Variants in PRSS23 observed in about 807,000 individuals in gnomAD.
The protein encoded by PRSS23 is protease, serine 23.
Under a neutral mutation model 34.7 loss-of-function variants are expected in PRSS23, and 25 were observed. The ratio of observed to expected loss-of-function variants is 0.72; its 90% CI spans 0.53 to 1.01. The LOEUF (loss-of-function observed/expected upper bound fraction) is 1.01. Ranked by LOEUF, PRSS23 falls within the 50% of genes least tolerant of loss-of-function variation. The probability of loss-of-function intolerance (pLI) is 0.00; values close to 1 mark genes in which losing one functional copy is unlikely to be tolerated. For missense variants in PRSS23, 445 were observed against 475.6 expected (o/e 0.94, Z 0.60); for synonymous variants, 176 against 186.6 (o/e 0.94, Z 0.46).
intron 2 of PRSS23, among the ~76,000 whole-genome samples, chr11:86,871,658 C>T (rs1424693485): frequency 1.3e-5 from 2 of 152,194 alleles, no homozygotes; most frequent in African/African-American, 4.8e-5. Context: ...TGACTTCTAA[C>T]CTCCAATGAC....
At chr11:86,800,730 G>T in intron 1 of PRSS23, 79 bp downstream of exon 1, 1 of 831,822 alleles carries the variant, frequency 1.2e-6, no homozygotes, top group Non-Finnish European at 1.5e-6. Context: ...CAAAGGGCCG[G>T]GTATGCGCGG....
intron 2 of PRSS23, among the ~76,000 whole-genome samples, chr11:86,879,618 T>C (rs1422139310): frequency 9.4e-6 from 1 of 106,656 alleles, no homozygotes; most frequent in Non-Finnish European, 1.9e-5. Flanking sequence ...CGGCCGCCCC[T>C]ACTGGGAAGT....
intron 2 of PRSS23, among the ~76,000 whole-genome samples, chr11:86,942,807 C>T (rs922578711): frequency 6.6e-6 from 1 of 152,136 alleles, no homozygotes; most frequent in Non-Finnish European, 1.5e-5. Context: ...TTTTGCAGGT[C>T]CAACACATCT....
At chr11:86,807,543 A>G (rs1948115641) in intron 1 of PRSS23, 88 bp from the exon 2 acceptor site, 2 of 1,250,502 alleles carry the variant, frequency 1.6e-6, no homozygotes, top group African/African-American at 3.0e-5. Context: ...CTCAGAAACA[A>G]TGACAGGCCT....
At chr11:86,854,275 C>G (rs1948553014) in intron 2 of PRSS23, among the ~76,000 whole-genome samples, 1 of 152,204 alleles carries the variant, frequency 6.6e-6, no homozygotes, top group Non-Finnish European at 1.5e-5. Context: ...GCCGGGATTA[C>G]AGGTGTGAGC....
At position 86,871,549 on chromosome 11, in the gene PRSS23, C is replaced by G. The variant is rs192585295; in HGVS notation, c.206+47956C>G. Among the ~76,000 whole-genome samples the G allele has an allele frequency of 3.1e-3, 467 of 152,350 alleles. 1 individual carries two copies. Among genetic ancestry groups the G allele is most frequent in the African/African-American group, 0.01 (436 of 41,578 alleles). ...TTCTGGCCACCTCAGTAGCCCCAAA[C>G]TCTATTTCTATTTCTTCCACTCAGC... is the stretch of plus-strand genomic sequence containing the variant. On this transcript the variant is annotated intron_variant, in intron 2 of 2. Coordinates refer to the PRSS23 transcript ENST00000533902.
chr11:86,796,764 CATTG>C (rs1947984269), upstream of PRSS23, among the ~76,000 whole-genome samples: 1 of 151,818 alleles, frequency 6.6e-6, no homozygotes, highest in African/African-American at 2.4e-5. Context: ...TTAATTTATG[CATTG>C]ATTTTCTCAT....
chr11:86,880,056 T>C (rs1317516060), intron 2 of PRSS23, among the ~76,000 whole-genome samples: 3 of 151,832 alleles, frequency 2.0e-5, no homozygotes, highest in Non-Finnish European at 4.4e-5. Flanking sequence ...CGTGTCTGTG[T>C]AGAAAGAGGT....
In PRSS23 at chr11:86,826,940, T is replaced by C. The variant is rs941326964; in HGVS notation, c.206+3347T>C. On this transcript the variant is annotated intron_variant, in intron 2 of 2. Coordinates refer to the PRSS23 transcript ENST00000533902. ...TTGCATCGATGTTCATCAAGGATAT[T>C]GGTCTAAAATTCTCTTTTTTGGTTG... Among the ~76,000 whole-genome samples, 174 of 152,316 alleles carry C rather than the reference T, an allele frequency of 1.1e-3. 2 individuals carry two copies. The highest frequency in any genetic ancestry group is 4.1e-3 in the African/African-American group (171 of 41,562).
intron 2 of PRSS23, among the ~76,000 whole-genome samples, chr11:86,877,857 C>A (rs371445187): frequency 5.0e-3 from 628 of 125,140 alleles, no homozygotes; most frequent in Admixed American, 4.8e-3. Context: ...TTCATTTCTG[C>A]AAAAAAAAAA....
chr11:86,916,092 A>T (rs1022212703), intron 2 of PRSS23, among the ~76,000 whole-genome samples: 5 of 152,164 alleles, frequency 3.3e-5, no homozygotes, highest in Non-Finnish European at 7.3e-5. Flanking sequence ...ATAATATATA[A>T]GGAAGTATTT....
intron 2 of PRSS23, among the ~76,000 whole-genome samples, chr11:86,847,766 T>A (rs575780671): frequency 2.3e-4 from 35 of 152,356 alleles, no homozygotes; most frequent in African/African-American, 3.4e-4. Context: ...CCCTGAGGGA[T>A]GTATTAATTA....
chr11:86,861,840 TG>T (rs1948617938), intron 2 of PRSS23, among the ~76,000 whole-genome samples: 2 of 150,782 alleles, frequency 1.3e-5, no homozygotes, highest in African/African-American at 4.9e-5. Flanking sequence ...ATATCCAGAG[TG>T]GGAGAGGATG....
chr11:86,873,017 C>T (rs1948695165), intron 2 of PRSS23, among the ~76,000 whole-genome samples: 1 of 151,988 alleles, frequency 6.6e-6, no homozygotes, highest in South Asian at 2.1e-4. Context: ...TATTAATTAA[C>T]TCTGAATTTT....
chr11:86,917,157 T>C (rs1949018552), intron 2 of PRSS23, among the ~76,000 whole-genome samples: 1 of 152,100 alleles, frequency 6.6e-6, no homozygotes, highest in African/African-American at 2.4e-5. Flanking sequence ...CCATCTCTAC[T>C]AAAAATACAA....
chr11:86,868,399 G>C (rs945915194), intron 2 of PRSS23, among the ~76,000 whole-genome samples: 1 of 152,208 alleles, frequency 6.6e-6, no homozygotes, highest in African/African-American at 2.4e-5. Context: ...CAGTGGTTAA[G>C]AGCAGGGAAA....
intron 2 of PRSS23, among the ~76,000 whole-genome samples, chr11:86,835,873 A>G (rs765828270): frequency 1.4e-4 from 22 of 152,194 alleles, no homozygotes; most frequent in Non-Finnish European, 2.9e-4. Context: ...TAAATCATCC[A>G]CGTACCGAAG....
At chr11:86,860,803 A>G (rs1384995296) in intron 2 of PRSS23, among the ~76,000 whole-genome samples, 1 of 151,952 alleles carries the variant, frequency 6.6e-6, no homozygotes, top group Non-Finnish European at 1.5e-5. Flanking sequence ...TGCCCTCAGT[A>G]TCGCGGGAAA....
At chr11:86,867,886 A>AAAAAAAAAAAAAAAAAAAAAAAAAC (rs1948660746) in intron 2 of PRSS23, among the ~76,000 whole-genome samples, 1 of 151,686 alleles carries the variant, frequency 6.6e-6, no homozygotes, top group African/African-American at 2.4e-5. Flanking sequence ...AAAAAAAAAA[A>AAAAAAAAAAAAAAAAAAAAAAAAAC]AAAAATACAA....
Sources: gnomAD v4.1 joint callset for allele counts (sites outside exome capture counted in the v4.1 genomes callset) on GRCh38, gnomAD v4.1.1 for gene constraint, MANE v1.5 for transcripts, NCBI Gene and HGNC (gene_info 2026-07-23, HGNC 2026-07-21) for gene names.